Variants in PATJ observed in about 807,000 individuals in gnomAD.
PATJ encodes PATJ crumbs cell polarity complex component, also known as inaD-like protein.
PATJ carries 190 observed loss-of-function variants against 224.9 expected under a neutral mutation model. The ratio of observed to expected loss-of-function variants is 0.84; its 90% CI spans 0.75 to 0.95. PATJ has a LOEUF of 0.95. Among genes scored for constraint, PATJ ranks in the 40% least tolerant of loss-of-function variants. PATJ has a pLI of 0.00. For synonymous variants in PATJ, 769 were observed against 820.3 expected, an observed-to-expected ratio of 0.94 and a Z score of 1.07; for missense variants, 2,121 against 2,270.3, an observed-to-expected ratio of 0.93 and a Z score of 1.34.
intron 31 of PATJ, chr1:62,054,397 A>C: frequency 2.3e-6 from 1 of 425,922 alleles, no homozygotes; most frequent in Non-Finnish European, 4.7e-6. Context: ...AGCTGAGGCT[A>C]AGCCGTGGCC....
At chr1:62,058,842 C>T (rs147652716) in intron 31 of PATJ, among the ~76,000 whole-genome samples, 5 of 152,254 alleles carry the variant, frequency 3.3e-5, no homozygotes, top group African/African-American at 9.6e-5. Context: ...CTTGGTCTAA[C>T]GCAGAGGTCA....
intron 28 of PATJ, among the ~76,000 whole-genome samples, chr1:62,013,776 G>A (rs1277428902): frequency 2.0e-5 from 3 of 152,056 alleles, no homozygotes; most frequent in South Asian, 2.1e-4. Flanking sequence ...CATTCCAAAC[G>A]TCATTTGTTT....
intron 17 of PATJ, among the ~76,000 whole-genome samples, chr1:61,844,903 T>C (rs1661683731): frequency 1.3e-5 from 2 of 152,174 alleles, no homozygotes; most frequent in African/African-American, 4.8e-5. Context: ...TACACCATGA[T>C]TGTGAGTTTC....
chr1:61,830,911 G>A (rs1221003921), intron 16 of PATJ, among the ~76,000 whole-genome samples: 2 of 152,006 alleles, frequency 1.3e-5, no homozygotes, highest in Admixed American at 6.6e-5. Flanking sequence ...AATGTAGGCC[G>A]GGCATGGTGA....
intron 18 of PATJ, among the ~76,000 whole-genome samples, chr1:61,859,503 G>C (rs1208067380): frequency 6.6e-6 from 1 of 151,618 alleles, no homozygotes; most frequent in Non-Finnish European, 1.5e-5. Context: ...AGTGATTCAA[G>C]GAACCAGGCA....
At chr1:61,877,652 T>C (rs1667514174) in intron 21 of PATJ, among the ~76,000 whole-genome samples, 1 of 152,104 alleles carries the variant, frequency 6.6e-6, no homozygotes, top group South Asian at 2.1e-4. Context: ...CCCTTCACTC[T>C]TCTGCCATGA....
intron 27 of PATJ, among the ~76,000 whole-genome samples, chr1:61,958,405 T>G (rs1411549089): frequency 6.6e-6 from 1 of 152,226 alleles, no homozygotes; most frequent in East Asian, 1.9e-4. Context: ...ACTAAATTGA[T>G]TAGATAAGAA....
At chr1:62,039,118 G>T in intron 30 of PATJ, 1 of 673,094 alleles carries the variant, frequency 1.5e-6, no homozygotes, top group Admixed American at 1.9e-5. Flanking sequence ...TTGATGGCTC[G>T]TATCTGTTCT....
chr1:61,779,481 A>G (rs1647125054), intron 7 of PATJ, among the ~76,000 whole-genome samples: 1 of 152,236 alleles, frequency 6.6e-6, no homozygotes, highest in African/African-American at 2.4e-5. Flanking sequence ...CTTTACTTAA[A>G]GTCAACTGTT....
chr1:61,791,522 C>A, intron 9 of PATJ, 75 bp downstream of exon 9: 1 of 890,412 alleles, frequency 1.1e-6, no homozygotes, highest in Non-Finnish European at 1.8e-6. Context: ...AAATTAAATA[C>A]TTGCAGATTT....
At chr1:62,074,131 T>G (rs1657894084) in intron 31 of PATJ, among the ~76,000 whole-genome samples, 2 of 147,924 alleles carry the variant, frequency 1.4e-5, no homozygotes, top group Non-Finnish European at 3.0e-5. Context: ...ACAGGAAATA[T>G]ATATTTCAAA....
At chr1:61,850,767 C>T (rs775246557) in intron 17 of PATJ, among the ~76,000 whole-genome samples, 15 of 152,218 alleles carry the variant, frequency 9.9e-5, no homozygotes, top group Non-Finnish European at 2.1e-4. Flanking sequence ...TAATTTTTCT[C>T]AATTTCCTCA....
intron 27 of PATJ, among the ~76,000 whole-genome samples, chr1:61,964,977 T>G (rs1681879273): frequency 6.6e-6 from 1 of 150,634 alleles, no homozygotes; most frequent in South Asian, 2.1e-4. Context: ...CCGGGCGTGG[T>G]GGTGTGTGCC....
intron 28 of PATJ, among the ~76,000 whole-genome samples, chr1:62,008,011 T>C (rs1646196592): frequency 6.6e-6 from 1 of 152,206 alleles, no homozygotes; most frequent in African/African-American, 2.4e-5. Context: ...AATCTGAAGA[T>C]CGGGATGCAC....
At chr1:61,886,074 G>A (rs572863263) in intron 22 of PATJ, among the ~76,000 whole-genome samples, 1 of 151,864 alleles carries the variant, frequency 6.6e-6, no homozygotes, top group African/African-American at 2.4e-5. Flanking sequence ...TATACCTAAT[G>A]CTAAATGACG....
chr1:62,143,438 A>ATTTTTTTTTTTTTT lies in PATJ; in HGVS notation c.5272-4829_5272-4816dup, dbSNP rs34127211. On this transcript the variant is annotated intron_variant, in intron 41 of 43. Transcript: ENST00000642238. The stretch of plus-strand genomic sequence containing the variant: ...TTGGATATCACAGACTAAGCTGGGA[A>ATTTTTTTTTTTTTT]TTTTTTTTTTTTTTTTTTTTTTTTT... Among the ~76,000 whole-genome samples, 58 of 74,324 alleles carry ATTTTTTTTTTTTTT rather than the reference A, an allele frequency of 7.8e-4. 1 individual carries two copies. Among genetic ancestry groups the ATTTTTTTTTTTTTT allele is most frequent in the African/African-American group, 3.1e-3 (54 of 17,232 alleles). 48.8% of individuals were successfully genotyped at this position (74,324 alleles called of 152,430 possible).
chr1:61,939,186 A>G (rs181196140), intron 27 of PATJ, among the ~76,000 whole-genome samples: 33 of 151,840 alleles, frequency 2.2e-4, no homozygotes, highest in African/African-American at 7.0e-4. Context: ...TAGAAATACT[A>G]CAAAAAGTCT....
intron 18 of PATJ, among the ~76,000 whole-genome samples, chr1:61,856,493 T>C (rs1663684570): frequency 6.6e-6 from 1 of 152,228 alleles, no homozygotes; most frequent in African/African-American, 2.4e-5. Context: ...GCTGCTAATG[T>C]TGCTAGTTCT....
chr1:61,859,188 G>A (rs549440662), intron 18 of PATJ, among the ~76,000 whole-genome samples: 9 of 152,058 alleles, frequency 5.9e-5, no homozygotes, highest in Non-Finnish European at 8.8e-5. Flanking sequence ...AGGAAGTCTC[G>A]GGCCATTTAA....
Sources: gnomAD v4.1 joint callset for allele counts (sites outside exome capture counted in the v4.1 genomes callset) on GRCh38, gnomAD v4.1.1 for gene constraint, MANE v1.5 for transcripts, NCBI Gene and HGNC (gene_info 2026-07-23, HGNC 2026-07-21) for gene names.